SH3KBP1: variants seen among roughly 807,000 people sequenced by gnomAD.
The protein encoded by SH3KBP1 is SH3 domain-containing kinase-binding protein 1.
SH3KBP1 carries 8 observed loss-of-function variants against 50.1 expected under a neutral mutation model. The observed-to-expected ratio is 0.16, with a 90% CI of 0.09 to 0.29. The LOEUF is 0.29. Ranked by LOEUF, SH3KBP1 falls within the 10% of genes least tolerant of loss-of-function variation. The probability of loss-of-function intolerance (pLI) is 1.00; values close to 1 mark genes in which losing one functional copy is unlikely to be tolerated. For synonymous variants in SH3KBP1, 227 were observed against 218.6 expected, an observed-to-expected ratio of 1.04 and a Z score of -0.34; for missense variants, 377 against 535.2, an observed-to-expected ratio of 0.70 and a Z score of 2.92.
intron 2 of SH3KBP1, among the ~76,000 whole-genome samples, chrX:19,760,023 C>CTGT (rs1556345973): frequency 1.2e-4 from 10 of 83,578 alleles, no homozygotes; most frequent in African/African-American, 5.9e-4. Flanking sequence ...CTCTCTCTCT[C>CTGT]CTCTCTCTCT....
At chrX:19,874,062 A>T (rs867132198) in intron 1 of SH3KBP1, among the ~76,000 whole-genome samples, 141 of 88,753 alleles carry the variant, frequency 1.6e-3, no homozygotes, top group Non-Finnish European at 2.1e-3. Context: ...AAAAAAAAAA[A>T]AAAAAAATAT....
intron 9 of SH3KBP1, among the ~76,000 whole-genome samples, chrX:19,604,350 C>G (rs774899222): frequency 1.8e-5 from 2 of 111,926 alleles, no homozygotes; most frequent in Non-Finnish European, 3.8e-5. Flanking sequence ...ATCCACTAAG[C>G]ACTCTCCGAA....
intron 1 of SH3KBP1, among the ~76,000 whole-genome samples, chrX:19,883,767 A>G (rs1396695280): frequency 8.9e-6 from 1 of 111,805 alleles, no homozygotes; most frequent in African/African-American, 3.3e-5. Context: ...CACACACATG[A>G]CCAAATATCC....
intron 2 of SH3KBP1, among the ~76,000 whole-genome samples, chrX:19,782,627 C>A (rs1251054361): frequency 6.3e-5 from 7 of 111,867 alleles, no homozygotes; most frequent in Admixed American, 4.7e-4. Flanking sequence ...CACCTAGTGA[C>A]ATTCTGAGAA....
At chrX:19,843,539 C>T (rs1029116355) in intron 1 of SH3KBP1, among the ~76,000 whole-genome samples, 1 of 111,577 alleles carries the variant, frequency 9.0e-6, no homozygotes. Flanking sequence ...AAACACACCA[C>T]TAAGGGACAT....
intron 8 of SH3KBP1, among the ~76,000 whole-genome samples, chrX:19,621,097 C>T (rs181852807): frequency 0.026 from 1,871 of 73,218 alleles, 29 homozygotes; most frequent in Non-Finnish European, 0.035. Context: ...TTTTTTGAGA[C>T]GGAATCTTGC....
At chrX:19,584,311 G>A (rs1164037949) in intron 12 of SH3KBP1, among the ~76,000 whole-genome samples, 3 of 91,088 alleles carry the variant, frequency 3.3e-5, no homozygotes, top group Admixed American at 2.6e-4. Flanking sequence ...TTATAAATAT[G>A]TATTTATAAA....
At position 19,882,616 on chromosome X, in the gene SH3KBP1, G is replaced by A. The variant is rs780923606; in HGVS notation, c.4+4691C>T. Among the ~76,000 whole-genome samples the A allele has an allele frequency of 6.2e-5, 7 of 112,076 alleles. No individual in the cohort carries two copies. The South Asian group carries it at 1.8e-3, about 29-fold the overall frequency. On this transcript the variant is annotated intron_variant, in intron 1 of 17. Coordinates refer to ENST00000397821, the MANE Select transcript of SH3KBP1 (RefSeq NM_031892.3). ...GACTTCGTGATTGTCGCCCAGTGAC[G>A]GATGATAAACATGTGATGTCTCCAG...
At position 19,627,639 on chromosome X, in the gene SH3KBP1, T is replaced by C. The variant is rs145686417; in HGVS notation, c.897+4225A>G. On this transcript the variant is annotated intron_variant, in intron 8 of 17. Transcript: ENST00000397821. ...CTTCCAGGGACATACAGAAATAGTTTGGGTCTTTGCACATTATTTCAGGAA... is the reference window on the plus strand; with the variant it reads ...CTTCCAGGGACATACAGAAATAGTTCGGGTCTTTGCACATTATTTCAGGAA... 4.6e-3 allele frequency among the ~76,000 whole-genome samples: 512 copies of C among 112,353 alleles called. 3 individuals are homozygous for C. The highest frequency in any genetic ancestry group is 0.016 in the African/African-American group (485 of 30,941).
At chrX:19,863,000 C>G (rs1262927179) in intron 1 of SH3KBP1, among the ~76,000 whole-genome samples, 1 of 112,000 alleles carries the variant, frequency 8.9e-6, no homozygotes, top group African/African-American at 3.3e-5. Flanking sequence ...TAACAGCAGT[C>G]TGCCCCCTTC....
At chrX:19,635,531 G>GTT (rs766703802) in intron 7 of SH3KBP1, among the ~76,000 whole-genome samples, 6 of 98,833 alleles carry the variant, frequency 6.1e-5, no homozygotes, top group African/African-American at 1.8e-4. Flanking sequence ...CGTGTATCCC[G>GTT]TTTTTTTTTT....
In SH3KBP1 at chrX:19,778,854, T is replaced by C. The variant is rs986711121; in HGVS notation, c.163-32413A>G. Among the ~76,000 whole-genome samples the C allele has an allele frequency of 2.7e-5, 3 of 110,348 alleles. No individual in the cohort carries two copies. The Admixed American group carries it at 2.9e-4, about 11-fold the overall frequency. ...GATAAAATTACAACAGATAAGAAAG[T>C]GATTACATGTGGGTCCAGCATTTTG... On this transcript the variant is annotated intron_variant, in intron 2 of 17. Transcript: ENST00000397821.
In SH3KBP1 at chrX:19,607,502, GTAGAAAGATTAA is replaced by G. The variant is rs1269057967; in HGVS notation, c.1005+424_1005+435del. 4.5e-5 allele frequency among the ~76,000 whole-genome samples: 5 copies of G among 112,023 alleles called. No individual in the cohort carries two copies. In the Admixed American group the frequency reaches 4.7e-4, roughly 11 times the overall value. ...GTACTCACACATGTAAGCATATAGTGTAGAAAGATTAACAGGCCTCGCCCTGCATCCTCAGCC... is the reference window on the plus strand; with the variant it reads ...GTACTCACACATGTAAGCATATAGTGCAGGCCTCGCCCTGCATCCTCAGCC... On this transcript the variant is annotated intron_variant, in intron 9 of 17. Transcript: ENST00000397821.
At chrX:19,593,660 T>A (rs769060292) in intron 10 of SH3KBP1, among the ~76,000 whole-genome samples, 4 of 110,841 alleles carry the variant, frequency 3.6e-5, no homozygotes, top group African/African-American at 1.3e-4. Context: ...CTAACAATAA[T>A]GAAGTCGGTA....
chrX:19,541,091 A>G (rs982197610), intron 16 of SH3KBP1, among the ~76,000 whole-genome samples: 2 of 110,965 alleles, frequency 1.8e-5, no homozygotes, highest in Non-Finnish European at 3.8e-5. Context: ...ATTTTTTTGT[A>G]TTTTTAGTAG....
intron 12 of SH3KBP1, among the ~76,000 whole-genome samples, chrX:19,570,829 G>A (rs1408836464): frequency 3.6e-5 from 4 of 111,524 alleles, no homozygotes; most frequent in Non-Finnish European, 5.7e-5. Flanking sequence ...GGTGGTGCAC[G>A]CCTGTGGTCC....
At chrX:19,857,320 G>A (rs1440304474) in intron 1 of SH3KBP1, among the ~76,000 whole-genome samples, 1 of 110,696 alleles carries the variant, frequency 9.0e-6, no homozygotes, top group Non-Finnish European at 1.9e-5. Context: ...CATGGGCAGA[G>A]GCTGCAGGTG....
At chrX:19,568,688 T>C (rs961822326) in intron 13 of SH3KBP1, among the ~76,000 whole-genome samples, 1 of 112,354 alleles carries the variant, frequency 8.9e-6, no homozygotes, top group African/African-American at 3.2e-5. Flanking sequence ...AAGTGGCAAT[T>C]ACCATACCAA....
intron 1 of SH3KBP1, among the ~76,000 whole-genome samples, chrX:19,874,068 A>AAATATAT (rs1491537486): frequency 8.8e-5 from 5 of 57,035 alleles, no homozygotes; most frequent in African/African-American, 6.3e-4. Flanking sequence ...AAAAAAAAAA[A>AAATATAT]ATATATATAT....
Sources: gnomAD v4.1 joint callset for allele counts (sites outside exome capture counted in the v4.1 genomes callset) on GRCh38, gnomAD v4.1.1 for gene constraint, MANE v1.5 for transcripts, NCBI Gene and HGNC (gene_info 2026-07-23, HGNC 2026-07-21) for gene names.